The following TUSC3 variants were observed in gnomAD, a reference collection of about 807,000 sequenced individuals.
The protein encoded by TUSC3 is dolichyl-diphosphooligosaccharide--protein glycosyltransferase subunit TUSC3.
Under a neutral mutation model 44.8 loss-of-function variants are expected in TUSC3, and 45 were observed. The ratio of observed to expected loss-of-function variants is 1.00; its 90% CI spans 0.79 to 1.29. TUSC3 has a LOEUF of 1.29. Among genes scored for constraint, TUSC3 ranks in the 50% most tolerant of loss-of-function variants. The pLI is 0.00. For synonymous variants in TUSC3, 212 were observed against 152.9 expected, an observed-to-expected ratio of 1.39 and a Z score of -2.85; for missense variants, 519 against 437.9, an observed-to-expected ratio of 1.19 and a Z score of -1.65.
At chr8:15,740,474 C>T (rs1050691399) in intron 7 of TUSC3, among the ~76,000 whole-genome samples, 4 of 151,558 alleles carry the variant, frequency 2.6e-5, no homozygotes, top group African/African-American at 7.3e-5. Flanking sequence ...AAATGTTGTC[C>T]TCCAAGTTAA....
Position 15,674,507 on chromosome 8 carries a change from G to C in TUSC3, c.798+671G>C, listed in dbSNP as rs147956528. ...CTTTTCTGCTTTTTCTTTTGGAAAAGATACGTATTTTGAGAATAATATAAT... is the reference window on the plus strand; with the variant it reads ...CTTTTCTGCTTTTTCTTTTGGAAAACATACGTATTTTGAGAATAATATAAT... On this transcript the variant is annotated intron_variant, in intron 6 of 10. Transcript: ENST00000503731. Among the ~76,000 whole-genome samples, 636 of 152,038 alleles carry C rather than the reference G, an allele frequency of 4.2e-3. 2 individuals carry two copies. Among genetic ancestry groups the C allele is most frequent in the Admixed American group, 7.9e-3 (120 of 15,248 alleles).
At chr8:15,742,250 A>G (rs1300201951) in intron 7 of TUSC3, among the ~76,000 whole-genome samples, 6 of 2,536 alleles carry the variant, frequency 2.4e-3, no homozygotes, top group African/African-American at 4.4e-3. Flanking sequence ...TTTCTCTTGT[A>G]TATGTTAGGC....
At position 15,765,485 on chromosome 8, in the gene TUSC3, G is replaced by A. The variant is rs1174851648; in HGVS notation, c.*1329G>A. On this transcript the variant is annotated 3_prime_UTR_variant, in exon 11 of 11. Coordinates refer to ENST00000503731, the MANE Select transcript of TUSC3 (RefSeq NM_006765.4). The stretch of plus-strand genomic sequence containing the variant: ...CAAGAAACGGGTGTACAACCATTGA[G>A]TTTACTTACTTAAATCTGTGAATTT... The A allele has an allele frequency of 6.6e-6, 1 of 151,948 alleles. No homozygotes were observed. Among genetic ancestry groups the A allele is most frequent in the Non-Finnish European group, 1.5e-5 (1 of 67,928 alleles). The allele number at this position is 151,948 out of a possible 1,614,324, so 9.4% of individuals were successfully genotyped here. A position where few individuals can be genotyped will look rare whatever the true frequency, so the allele number is the denominator to read the frequency against.
At position 15,552,913 on chromosome 8, in the gene TUSC3, A is replaced by G. The variant is rs558499490; in HGVS notation, c.138+12345A>G. On this transcript the variant is annotated intron_variant, in intron 1 of 10. Transcript: ENST00000503731. ...AAAGTGAGAGGTAATGATGACTTGA[A>G]ATTAGTTGTGGCAGTGAGAATGAAG... Among the ~76,000 whole-genome samples, 6 of 151,788 alleles carry G rather than the reference A, an allele frequency of 4.0e-5. No homozygotes were observed. The East Asian group carries it at 1.2e-3, about 30-fold the overall frequency.
At position 15,581,354 on chromosome 8, in the gene TUSC3, C is replaced by T. The variant is rs367613094; in HGVS notation, c.138+40786C>T. ...TTCTCCATCCAGCTTTGTTCCGTTG[C>T]TGGTGAGGAACTGCGTTCCTTTGGA... On this transcript the variant is annotated intron_variant, in intron 1 of 10. Transcript: ENST00000503731. 5.4e-3 allele frequency among the ~76,000 whole-genome samples: 793 copies of T among 145,582 alleles called. 7 individuals are homozygous for T. Among genetic ancestry groups the T allele is most frequent in the East Asian group, 0.04 (199 of 4,942 alleles).
At chr8:15,571,500 TA>T (rs1802877254) in intron 1 of TUSC3, among the ~76,000 whole-genome samples, 1 of 152,148 alleles carries the variant, frequency 6.6e-6, no homozygotes, top group South Asian at 2.1e-4. Context: ...CTATATTGCT[TA>T]AAAAATATGA....
At chr8:15,424,657 G>C (rs975605055) in intron 1 of TUSC3, among the ~76,000 whole-genome samples, 2 of 152,158 alleles carry the variant, frequency 1.3e-5, no homozygotes, top group African/African-American at 2.4e-5. Context: ...GAGGTGGATG[G>C]ATCACGAGGT....
intron 2 of TUSC3, among the ~76,000 whole-genome samples, chr8:15,504,484 C>G (rs1034035897): frequency 5.8e-4 from 87 of 149,314 alleles, no homozygotes; most frequent in African/African-American, 2.0e-3. Context: ...AAACATATTT[C>G]TACTACTGCC....
chr8:15,762,441 C>T (rs78108626), intron 10 of TUSC3, among the ~76,000 whole-genome samples: 3,390 of 151,950 alleles, frequency 0.022, 121 homozygotes, highest in African/African-American at 0.076. Context: ...ATAAAGTACT[C>T]ACAGAGATCC....
intron 6 of TUSC3, among the ~76,000 whole-genome samples, chr8:15,682,936 T>G (rs1228529133): frequency 6.6e-6 from 1 of 152,156 alleles, no homozygotes; most frequent in East Asian, 1.9e-4. Context: ...ATGCAATTCT[T>G]GGTTGGAATT....
chr8:15,451,804 GT>G (rs1244621819), intron 1 of TUSC3, among the ~76,000 whole-genome samples: 1 of 152,092 alleles, frequency 6.6e-6, no homozygotes, highest in African/African-American at 2.4e-5. Flanking sequence ...TAGTGTCTGA[GT>G]TGAGTTAAAT....
intron 7 of TUSC3, among the ~76,000 whole-genome samples, chr8:15,740,366 A>G (rs1490338282): frequency 2.6e-5 from 4 of 152,164 alleles, no homozygotes; most frequent in African/African-American, 4.8e-5. Flanking sequence ...ATTTGGCCAC[A>G]TTAAAATTAA....
intron 7 of TUSC3, among the ~76,000 whole-genome samples, chr8:15,731,507 TTAAC>T (rs771105538): frequency 2.6e-5 from 4 of 152,270 alleles, no homozygotes; most frequent in Non-Finnish European, 5.9e-5. Flanking sequence ...GTGTAAATCT[TTAAC>T]TATCTTTGAA....
At chr8:15,573,202 C>CTCTCTCTCTCTCTA (rs1435847916) in intron 1 of TUSC3, among the ~76,000 whole-genome samples, 2 of 74,206 alleles carry the variant, frequency 2.7e-5, no homozygotes, top group African/African-American at 1.1e-4. Context: ...CTCTCTCTCT[C>CTCTCTCTCTCTCTA]TATATATATA....
chr8:15,503,754 G>A (rs1002271144), intron 2 of TUSC3, among the ~76,000 whole-genome samples: 6 of 151,976 alleles, frequency 3.9e-5, no homozygotes, highest in Non-Finnish European at 8.8e-5. Flanking sequence ...TGTAATTCCG[G>A]CACTTTGGGA....
intron 6 of TUSC3, among the ~76,000 whole-genome samples, chr8:15,710,297 T>C (rs780134414): frequency 1.3e-5 from 2 of 151,932 alleles, no homozygotes; most frequent in African/African-American, 2.4e-5. Flanking sequence ...GTTTAGATAA[T>C]ATATAGTTAT....
At chr8:15,539,206 T>C (rs1437684094), upstream of TUSC3, among the ~76,000 whole-genome samples, 1 of 152,028 alleles carries the variant, frequency 6.6e-6, no homozygotes. Context: ...AGAAGGCGTC[T>C]ACAGGTTTTA....
chr8:15,502,729 G>A (rs7830476), intron 2 of TUSC3, among the ~76,000 whole-genome samples: 8,093 of 152,210 alleles, frequency 0.053, 740 homozygotes, highest in African/African-American at 0.18. Flanking sequence ...CTGACCTCGT[G>A]ATCCCCCTGC....
At chr8:15,459,566 C>T (rs866529091) in intron 1 of TUSC3, among the ~76,000 whole-genome samples, 13 of 152,096 alleles carry the variant, frequency 8.5e-5, no homozygotes, top group African/African-American at 2.4e-4. Flanking sequence ...GTGCAGCCAT[C>T]GCCCAAGCAG....
Sources: allele counts gnomAD v4.1 joint callset (sites outside exome capture counted in the v4.1 genomes callset), GRCh38; gene constraint gnomAD v4.1.1; transcripts MANE v1.5; gene names NCBI Gene and HGNC (gene_info 2026-07-23, HGNC 2026-07-21).